SPATA16: variants seen among roughly 807,000 people sequenced by gnomAD.
The protein encoded by SPATA16 is spermatogenesis associated 16.
Under a neutral mutation model 63.3 loss-of-function variants are expected in SPATA16, and 36 were observed. That is an observed-to-expected ratio of 0.57 (90% CI 0.44 to 0.75). The LOEUF (loss-of-function observed/expected upper bound fraction) is 0.75, where lower values mean the gene tolerates loss of function less well. Ranked by LOEUF, SPATA16 falls within the 30% of genes least tolerant of loss-of-function variation. The probability of loss-of-function intolerance (pLI) is 0.00; values close to 1 mark genes in which losing one functional copy is unlikely to be tolerated. For missense variants in SPATA16, 646 were observed against 679.3 expected (o/e 0.95, Z 0.54); for synonymous variants, 203 against 216.7 (o/e 0.94, Z 0.56).
chr3:172,989,977 G>T (rs1173980126), intron 4 of SPATA16, among the ~76,000 whole-genome samples: 1 of 152,136 alleles, frequency 6.6e-6, no homozygotes, highest in African/African-American at 2.4e-5. Flanking sequence ...CCTTATTACA[G>T]TTAACCCTTG....
At chr3:173,126,710 C>G (rs1260345861) in intron 1 of SPATA16, among the ~76,000 whole-genome samples, 1 of 152,152 alleles carries the variant, frequency 6.6e-6, no homozygotes, top group Non-Finnish European at 1.5e-5. Flanking sequence ...GTTTATTTTG[C>G]AGAAGAAGTA....
chr3:173,037,037 G>A (rs560559039), intron 3 of SPATA16, among the ~76,000 whole-genome samples: 9 of 151,962 alleles, frequency 5.9e-5, no homozygotes, highest in African/African-American at 2.2e-4. Context: ...ATGTAACGAC[G>A]TTAAAATATA....
In SPATA16 at chr3:172,925,330, G is replaced by T; in HGVS notation, c.1228+16C>A. On this transcript the variant is annotated intron_variant, in intron 7 of 10. Transcript: ENST00000351008. ...AGGCTACTATATGCTAGACCTTGTA[G>T]GTTCAGATGATTTACCTGTGAATAT... 6.2e-7 allele frequency: 1 copy of T among 1,613,658 alleles called. No individual in the cohort carries two copies. The highest frequency in any genetic ancestry group is 8.5e-7 in the Non-Finnish European group (1 of 1,179,756).
At chr3:173,104,335 G>A (rs1392815442) in intron 2 of SPATA16, among the ~76,000 whole-genome samples, 2 of 152,166 alleles carry the variant, frequency 1.3e-5, no homozygotes, top group African/African-American at 2.4e-5. Context: ...AGCAGTGCCC[G>A]ACTCCTCAGT....
intron 2 of SPATA16, among the ~76,000 whole-genome samples, chr3:173,071,300 A>G (rs966778648): frequency 6.6e-6 from 1 of 152,226 alleles, no homozygotes; most frequent in African/African-American, 2.4e-5. Context: ...TGCCATATAC[A>G]AAAATTAACT....
At chr3:172,998,529 A>AT (rs1734741821) in intron 4 of SPATA16, among the ~76,000 whole-genome samples, 1 of 152,064 alleles carries the variant, frequency 6.6e-6, no homozygotes, top group African/African-American at 2.4e-5. Flanking sequence ...TATGCCTTTT[A>AT]TTTCCATTTC....
chr3:172,933,496 A>T (rs553859876), intron 6 of SPATA16, among the ~76,000 whole-genome samples: 47 of 152,312 alleles, frequency 3.1e-4, no homozygotes, highest in Admixed American at 9.2e-4. Flanking sequence ...AATAAGTGAG[A>T]TTTGAGATCT....
chr3:172,957,417 A>G (rs1733623055), intron 5 of SPATA16, among the ~76,000 whole-genome samples: 1 of 152,118 alleles, frequency 6.6e-6, no homozygotes, highest in Admixed American at 6.6e-5. Flanking sequence ...ATTTCTTTAC[A>G]TTATTTTTGC....
chr3:173,049,270 A>G (rs1478010794), intron 2 of SPATA16, among the ~76,000 whole-genome samples, 176 bp from the exon 3 acceptor site: 1 of 152,158 alleles, frequency 6.6e-6, no homozygotes, highest in Non-Finnish European at 1.5e-5. Context: ...GTAAAATATT[A>G]ATATTTTGAT....
intron 2 of SPATA16, among the ~76,000 whole-genome samples, chr3:173,110,998 TTAC>T (rs1462870784): frequency 6.6e-6 from 1 of 152,210 alleles, no homozygotes; most frequent in African/African-American, 2.4e-5. Context: ...TTTAACAAGA[TTAC>T]TATAGAATTT....
intron 4 of SPATA16, among the ~76,000 whole-genome samples, chr3:172,997,907 T>C (rs920872555): frequency 3.9e-5 from 6 of 152,152 alleles, no homozygotes; most frequent in Non-Finnish European, 7.4e-5. Context: ...ATCAGTTGAC[T>C]ATATTTATGT....
chr3:173,023,751 TAAAA>T (rs1021650139), intron 3 of SPATA16, among the ~76,000 whole-genome samples: 15 of 151,564 alleles, frequency 9.9e-5, no homozygotes, highest in African/African-American at 3.4e-4. Context: ...TTAACTTTTT[TAAAA>T]AAACAGAAAT....
In SPATA16 at chr3:173,063,810, C is replaced by A. The variant is rs561039423; in HGVS notation, c.613-14716G>T. ...ATTTTGCTTAGAAATGTTGGAATAA[C>A]CAAACTAAGGCAAATTAGATATTAA... On this transcript the variant is annotated intron_variant, in intron 2 of 10. Transcript: ENST00000351008. 2.6e-4 allele frequency among the ~76,000 whole-genome samples: 39 copies of A among 152,092 alleles called. 1 individual carries two copies. The South Asian group carries it at 8.1e-3, about 32-fold the overall frequency.
At chr3:172,907,121 A>G (rs28681616) in intron 10 of SPATA16, among the ~76,000 whole-genome samples, 5,114 of 152,242 alleles carry the variant, frequency 0.034, 298 homozygotes, top group African/African-American at 0.12. Flanking sequence ...CTGCAAGGGG[A>G]CTTAGAATCA....
At chr3:173,040,796 G>A (rs1735821268) in intron 3 of SPATA16, among the ~76,000 whole-genome samples, 1 of 152,126 alleles carries the variant, frequency 6.6e-6, no homozygotes, top group South Asian at 2.1e-4. Context: ...CAGGAAGTTA[G>A]TGGAGAACTA....
chr3:172,952,954 A>G (rs960620863), intron 6 of SPATA16, among the ~76,000 whole-genome samples: 3 of 151,520 alleles, frequency 2.0e-5, no homozygotes, highest in African/African-American at 4.8e-5. Context: ...AAAAAAAAAA[A>G]AAAAAAGAAA....
chr3:173,117,993 T>A (rs1737953934), intron 1 of SPATA16, among the ~76,000 whole-genome samples: 1 of 152,174 alleles, frequency 6.6e-6, no homozygotes, highest in Admixed American at 6.5e-5. Flanking sequence ...AAAATGATCC[T>A]CTGTGGCTGA....
intron 10 of SPATA16, among the ~76,000 whole-genome samples, chr3:172,891,221 C>T (rs1415683832): frequency 6.6e-6 from 1 of 152,062 alleles, no homozygotes; most frequent in Non-Finnish European, 1.5e-5. Flanking sequence ...TTTTAAATTA[C>T]AATTCTAATG....
intron 6 of SPATA16, 140 bp from the exon 7 acceptor site, chr3:172,925,632 A>G (rs1577091778): frequency 1.0e-6 from 1 of 997,450 alleles, no homozygotes; most frequent in East Asian, 2.6e-5. Context: ...TATTATGTGT[A>G]TCAAAAGGTC....
Sources: gnomAD v4.1 joint callset for allele counts (sites outside exome capture counted in the v4.1 genomes callset) on GRCh38, gnomAD v4.1.1 for gene constraint, MANE v1.5 for transcripts, NCBI Gene and HGNC (gene_info 2026-07-23, HGNC 2026-07-21) for gene names.